The following PGC variants were observed in gnomAD, a reference collection of about 807,000 sequenced individuals.
PGC encodes progastricsin.
PGC carries 31 observed loss-of-function variants against 45.9 expected under a neutral mutation model. That is an observed-to-expected ratio of 0.67 (90% confidence interval 0.51 to 0.91). The LOEUF (loss-of-function observed/expected upper bound fraction) is 0.91, where lower values mean the gene tolerates loss of function less well. PGC is among the 40% of genes least tolerant of loss of function. The pLI is 0.00. For synonymous variants in PGC, 192 were observed against 201.8 expected, an observed-to-expected ratio of 0.95 and a Z score of 0.41; for missense variants, 477 against 493.2, an observed-to-expected ratio of 0.97 and a Z score of 0.31.
At position 41,742,204 on chromosome 6, in the gene PGC, C is replaced by A. The variant is rs1044310769; in HGVS notation, c.647+86G>T. The A allele has an allele frequency of 1.3e-5, 16 of 1,272,780 alleles. No homozygotes were observed. In the African/African-American group the frequency reaches 2.3e-4, roughly 19 times the overall value. 78.8% of individuals were successfully genotyped at this position (1,272,780 alleles called of 1,614,324 possible). On this transcript the variant is annotated intron_variant, in intron 5 of 8. Transcript: ENST00000373025. The stretch of plus-strand genomic sequence containing the variant: ...ATGCCCGCTGGGATGCCTCCAAACC[C>A]CAAAGCATTGAGCACTGAGCCTCAG...
chr6:41,737,115 G>A, intron 8 of PGC, 111 bp from the exon 9 acceptor site: 10 of 1,116,134 alleles, frequency 9.0e-6, no homozygotes, highest in Non-Finnish European at 1.3e-5. Context: ...GGGAGCCAGG[G>A]TCTCTGCCTT....
intron 4 of PGC, 22 bp from the exon 5 acceptor site, chr6:41,742,511 G>A (rs926109764): frequency 6.2e-6 from 10 of 1,604,780 alleles, no homozygotes; most frequent in East Asian, 2.2e-5. Context: ...ACAAACGAGG[G>A]GAGGTGACCA....
In PGC at chr6:41,740,565, A is replaced by T; in HGVS notation, c.693T>A (p.Asp231Glu). 1 of 1,608,462 alleles carries T rather than the reference A, an allele frequency of 6.2e-7. No individual in the cohort carries two copies. The highest frequency in any genetic ancestry group is 8.5e-7 in the Non-Finnish European group (1 of 1,177,384). The change falls in exon 6 of 9, where the codon GAT (aspartate) becomes GAA (glutamate). Residue 231 changes from aspartate (D) to glutamate (E), a missense_variant. Physicochemically the swap from Asp to Glu is conservative, Grantham distance 45. Transcript: ENST00000373025. Reference protein sequence around the residue: ...SGGAVVFGGVDSSLYTGQIYW... With the variant: ...SGGAVVFGGVESSLYTGQIYW... ...AGATCTGCCCCGTGTACAGGCTGCT[A>T]TCCACACCCCCAAAGACAACCGCTC... is the stretch of plus-strand genomic sequence containing the variant.
intron 1 of PGC, among the ~76,000 whole-genome samples, chr6:41,745,549 G>GTCTTT (rs1771915823): frequency 8.0e-6 from 1 of 124,930 alleles, no homozygotes; most frequent in Non-Finnish European, 1.7e-5. Flanking sequence ...AGGATATGTA[G>GTCTTT]TTTTTTTTTT....
intron 7 of PGC, among the ~76,000 whole-genome samples, chr6:41,738,181 T>TATATATATATAC (rs1173904046): frequency 2.4e-5 from 1 of 41,358 alleles, no homozygotes; most frequent in African/African-American, 7.4e-5. Flanking sequence ...TATATATACA[T>TATATATATATAC]ATATATATGC....
intron 5 of PGC, chr6:41,741,960 G>A (rs1233254695): frequency 1.2e-6 from 1 of 805,380 alleles, no homozygotes; most frequent in Non-Finnish European, 2.0e-6. Context: ...TTCTCCACCA[G>A]GAAGCCTGTC....
chr6:41,743,247 C>T, intron 4 of PGC, 24 bp downstream of exon 4: 1 of 1,375,538 alleles, frequency 7.3e-7, no homozygotes, highest in Non-Finnish European at 1.0e-6. Flanking sequence ...ACAGCCCCAG[C>T]CTCCACTCCC....
intron 5 of PGC, chr6:41,741,371 C>A (rs879528255): frequency 2.8e-6 from 2 of 719,088 alleles, no homozygotes; most frequent in South Asian, 4.3e-5. Flanking sequence ...TAAGGCCGGG[C>A]GCAGTGGCTC....
Position 41,739,801 on chromosome 6 carries a change from G to A in PGC, c.913C>T (p.Gln305Ter). Residue 305 changes from glutamine (Q) to a stop codon, truncating the protein, a stop_gained and splice_region_variant, in exon 7 of 9, where the codon CAG becomes TAG. Transcript: ENST00000373025. LOFTEE classifies it high-confidence loss of function. ...ATGAQEDEYGQFLVNCNSIQN... is the reference protein window; with the variant it reads ...ATGAQEDEYG ...AGAGACACCCTCACCAGTCACACCT[G>A]TCCATACTCATCCTCCTGGGCCCCT... The A allele has an allele frequency of 6.2e-7, 1 of 1,613,086 alleles. No individual in the cohort carries two copies. Among genetic ancestry groups the A allele is most frequent in the Non-Finnish European group, 8.5e-7 (1 of 1,179,468 alleles).
At chr6:41,737,080 G>T (rs1385641530) in intron 8 of PGC, 76 bp from the exon 9 acceptor site, 47 of 1,427,536 alleles carry the variant, frequency 3.3e-5, no homozygotes, top group Non-Finnish European at 4.2e-5. Context: ...TGAGCCCTGG[G>T]CTGGGAGCAC....
rs186855719 is a variant in PGC, at chr6:41,746,059, G to C, written c.59+1217C>G. Among the ~76,000 whole-genome samples the C allele has an allele frequency of 6.1e-3, 931 of 152,130 alleles. 6 individuals carry two copies. Among genetic ancestry groups the C allele is most frequent in the Non-Finnish European group, 9.5e-3 (644 of 67,976 alleles). ...TGCCTGTAATCCTAGCTACTCGGGA[G>C]GCTGAGGTGGGAGAATCGCTTGAAC... On this transcript the variant is annotated intron_variant, in intron 1 of 8. Transcript: ENST00000373025.
rs1402417998 is a variant in PGC at position 41,742,436 on chromosome 6, A to G, written c.501T>C (p.Pro167=). ...ACTGCGCATAGACGAAGTTGGTACC[A>G]GGCTCATTCTCACTCAAGCCGAACT... ...NQEFGLSENE[P]GTNFVYAQFD... Residue 167 remains proline (P), a synonymous_variant, in exon 5 of 9, where the codon CCT becomes CCC. Coordinates refer to ENST00000373025, the MANE Select transcript of PGC (RefSeq NM_002630.4). The G allele has an allele frequency of 6.2e-7, 1 of 1,614,136 alleles. No homozygotes were observed. Among genetic ancestry groups the G allele is most frequent in the Non-Finnish European group, 8.5e-7 (1 of 1,180,026 alleles).
At chr6:41,746,300 GAC>G (rs1276299706) in intron 1 of PGC, among the ~76,000 whole-genome samples, 1 of 152,224 alleles carries the variant, frequency 6.6e-6, no homozygotes, top group Non-Finnish European at 1.5e-5. Context: ...TGGGACTCAG[GAC>G]ACAGAGTCCT....
intron 1 of PGC, among the ~76,000 whole-genome samples, chr6:41,746,392 C>T (rs963029109): frequency 6.6e-6 from 1 of 152,226 alleles, no homozygotes; most frequent in African/African-American, 2.4e-5. Context: ...GGGAAGTTGG[C>T]CTGGGTGGTC....
chr6:41,744,428 C>T lies in PGC; in HGVS notation c.297G>A (p.Val99=), dbSNP rs768818702. 3 of 1,612,878 alleles carry T rather than the reference C, an allele frequency of 1.9e-6. No homozygotes were observed. The East Asian group carries it at 6.7e-5, about 36-fold the overall frequency. ...LFDTGSSNLW[V]PSVYCQSQAC... ...CCTGGCTCTGGCAGTAGACAGAGGG[C>T]ACCCACAAGTTGGAGGAGCCGGTGT... The change falls in exon 3 of 9, where the codon GTG becomes GTA. Residue 99 remains valine (V), a synonymous_variant. Transcript: ENST00000373025. The surrounding 1 kb of genome is among the most constrained non-coding windows in gnomAD (Gnocchi z 4.4).
chr6:41,737,859 A>C (rs2127286929), intron 7 of PGC, 31 bp from the exon 8 acceptor site: 12 of 1,336,426 alleles, frequency 9.0e-6, no homozygotes, highest in Non-Finnish European at 1.3e-5. Context: ...TGGTTAACTC[A>C]TCCTCCCCCT....
At position 41,742,504 on chromosome 6, in the gene PGC, A is replaced by G. The variant is rs1181695544; in HGVS notation, c.448-15T>C. On this transcript the variant is annotated splice_polypyrimidine_tract_variant and intron_variant, in intron 4 of 8. Coordinates refer to ENST00000373025, the MANE Select transcript of PGC (RefSeq NM_002630.4). Reference sequence around the variant, plus strand: ...ATGCTCTGGACCTAATGGAGACACAAACGAGGGGAGGTGACCAGTCTGACT... The same window carrying G: ...ATGCTCTGGACCTAATGGAGACACAGACGAGGGGAGGTGACCAGTCTGACT... 5 of 1,611,352 alleles carry G rather than the reference A, an allele frequency of 3.1e-6. No individual in the cohort carries two copies. The African/African-American group carries it at 6.7e-5, about 22-fold the overall frequency.
chr6:41,738,456 C>T (rs1269162794), intron 7 of PGC, among the ~76,000 whole-genome samples: 2 of 150,514 alleles, frequency 1.3e-5, no homozygotes, highest in African/African-American at 4.9e-5. Flanking sequence ...GATGAAACCC[C>T]GCCTCCACCA....
chr6:41,741,742 G>C, intron 5 of PGC: 1 of 1,321,200 alleles, frequency 7.6e-7, no homozygotes, highest in South Asian at 1.3e-5. Flanking sequence ...CCCACCCACT[G>C]CCTGTCTCAC....
Sources: allele counts gnomAD v4.1 joint callset (sites outside exome capture counted in the v4.1 genomes callset), GRCh38; gene constraint gnomAD v4.1.1; non-coding constraint Gnocchi (gnomAD v3.1); transcripts MANE v1.5; gene names NCBI Gene and HGNC (gene_info 2026-07-23, HGNC 2026-07-21).